AHCY: variants seen among roughly 807,000 people sequenced by gnomAD.
AHCY encodes the protein adenosylhomocysteinase.
In AHCY, 24 loss-of-function variants were observed where a neutral mutation model predicts 45.4. The observed-to-expected ratio is 0.53, with a 90% CI of 0.38 to 0.74. AHCY has a LOEUF of 0.74. Ranked by LOEUF, AHCY falls within the 30% of genes least tolerant of loss-of-function variation. AHCY has a pLI of 0.00. For missense variants in AHCY, 449 were observed against 594.1 expected, an observed-to-expected ratio of 0.76 and a Z score of 2.54; for synonymous variants, 245 against 235.1, an observed-to-expected ratio of 1.04 and a Z score of -0.39.
chr20:34,302,811 C>T, intron 1 of AHCY: 4 of 1,020,714 alleles, frequency 3.9e-6, no homozygotes, highest in South Asian at 4.1e-5. Context: ...CCGGGGTGCC[C>T]TCGCCGTCCC....
chr20:34,309,319 A>G (rs2036925628), intron 1 of AHCY, among the ~76,000 whole-genome samples: 1 of 152,134 alleles, frequency 6.6e-6, no homozygotes, highest in Non-Finnish European at 1.5e-5. Context: ...TCTGTTTTCC[A>G]TACATACACA....
At chr20:34,297,664 A>C (rs562831543) in intron 1 of AHCY, among the ~76,000 whole-genome samples, 33 of 152,184 alleles carry the variant, frequency 2.2e-4, no homozygotes, top group Non-Finnish European at 4.1e-4. Flanking sequence ...ACATTTTCCT[A>C]GTAAATTTAC....
At chr20:34,260,761 G>T in the AHCY span, among the ~76,000 whole-genome samples, 4 of 152,346 alleles carry the variant, frequency 2.6e-5, no homozygotes, top group East Asian at 7.7e-4. Flanking sequence ...GCTCTGAAAG[G>T]CCTGAAGTTA....
At chr20:34,272,844 A>G in the AHCY span, among the ~76,000 whole-genome samples, 1 of 152,134 alleles carries the variant, frequency 6.6e-6, no homozygotes, top group African/African-American at 2.4e-5. Context: ...TGATCACACC[A>G]CTGCATTCCA....
chr20:34,232,816 A>C, the AHCY span, among the ~76,000 whole-genome samples: 2 of 152,336 alleles, frequency 1.3e-5, no homozygotes, highest in East Asian at 1.9e-4. Context: ...TCTCTGTTTT[A>C]ATAGCACATG....
chr20:34,269,221 C>G, the AHCY span: 1 of 1,436,516 alleles, frequency 7.0e-7, no homozygotes. Flanking sequence ...CGGGGCGCTT[C>G]TCGGGCGGGT....
At chr20:34,271,342 A>G in the AHCY span, among the ~76,000 whole-genome samples, 1 of 152,144 alleles carries the variant, frequency 6.6e-6, no homozygotes, top group African/African-American at 2.4e-5. Flanking sequence ...ACTGAAACTC[A>G]CATTTGTGAC....
At chr20:34,246,669 G>A in the AHCY span, 50 of 489,220 alleles carry the variant, frequency 1.0e-4, no homozygotes, top group Non-Finnish European at 7.7e-6. Flanking sequence ...TGTTGCCCAG[G>A]CTGGTCTTGA....
At position 34,295,403 on chromosome 20, in the gene AHCY, C is replaced by T; in HGVS notation, c.211G>A (p.Gly71Ser). ...ACAGCTGTGGGCCTCACCTCAGCAC[C>T]CAGGGTGACGAGGGTCTCAATGAGG... ...AVLIETLVTL[G>S]AEVQWSSCNI... The change falls in exon 2 of 10, where the codon GGT becomes AGT. Residue 71 changes from glycine (G) to serine (S), a missense_variant. By Grantham distance (56) the Gly-to-Ser change is moderately conservative (BLOSUM62 0). Transcript: ENST00000217426. 1.9e-6 allele frequency: 3 copies of T among 1,614,064 alleles called. No homozygotes were observed. Among genetic ancestry groups the T allele is most frequent in the Non-Finnish European group, 2.5e-6 (3 of 1,179,942 alleles).
chr20:34,245,099 G>A, the AHCY span, among the ~76,000 whole-genome samples: 1 of 151,938 alleles, frequency 6.6e-6, no homozygotes, highest in Admixed American at 6.6e-5. Context: ...ACTTTGGGAG[G>A]CCAAGGTGGG....
the AHCY span, among the ~76,000 whole-genome samples, chr20:34,259,749 TAAA>T: frequency 7.0e-6 from 1 of 142,786 alleles, no homozygotes. Context: ...AGACTCCATC[TAAA>T]AAAAAAAAAA....
chr20:34,297,799 T>C (rs1237862473), intron 1 of AHCY, among the ~76,000 whole-genome samples: 1 of 152,104 alleles, frequency 6.6e-6, no homozygotes, highest in Admixed American at 6.6e-5. Context: ...ACTAGTCACC[T>C]ATAGCAGTCA....
chr20:34,232,131 A>G, the AHCY span, among the ~76,000 whole-genome samples: 1 of 152,230 alleles, frequency 6.6e-6, no homozygotes, highest in Non-Finnish European at 1.5e-5. Context: ...TGACAATAGC[A>G]CTGAGTTTGG....
At chr20:34,306,971 G>T (rs1393693895), upstream of AHCY, among the ~76,000 whole-genome samples, 1 of 152,132 alleles carries the variant, frequency 6.6e-6, no homozygotes, top group African/African-American at 2.4e-5. Context: ...GAAACTTTGT[G>T]GTGATGGAAT....
the AHCY span, among the ~76,000 whole-genome samples, chr20:34,269,969 A>AAAAAAAAAAAC: frequency 1.4e-5 from 2 of 143,606 alleles, no homozygotes; most frequent in Non-Finnish European, 1.5e-5. Flanking sequence ...AAAAAAAAAA[A>AAAAAAAAAAAC]AAAAAAAAAA....
intron 1 of AHCY, among the ~76,000 whole-genome samples, chr20:34,300,571 ACCT>A (rs879844517): frequency 0.1 from 15,496 of 152,222 alleles, 2,655 homozygotes; most frequent in African/African-American, 0.35. Flanking sequence ...CTAATACAGT[ACCT>A]GGCACACAGT....
At chr20:34,251,247 T>C in the AHCY span, among the ~76,000 whole-genome samples, 7 of 152,036 alleles carry the variant, frequency 4.6e-5, no homozygotes, top group East Asian at 1.9e-4. Flanking sequence ...ACATAATAAG[T>C]GACCCTTATA....
Position 34,299,107 on chromosome 20 carries a change from CTT to C in AHCY, c.29-3524_29-3523del, listed in dbSNP as rs771409357. 1.6e-3 allele frequency among the ~76,000 whole-genome samples: 250 copies of C among 152,260 alleles called. 1 individual carries two copies. Among genetic ancestry groups the C allele is most frequent in the Non-Finnish European group, 2.6e-3 (176 of 68,028 alleles). On this transcript the variant is annotated intron_variant, in intron 1 of 9. Transcript: ENST00000217426. ...TCCCCCGGGCCCAGCTGCCTTTTCTCTTGTCTCTTTGTCTTGTATCTTTATTT... is the reference window on the plus strand; with the variant it reads ...TCCCCCGGGCCCAGCTGCCTTTTCTCGTCTCTTTGTCTTGTATCTTTATTT...
chr20:34,269,323 A>C, the AHCY span: 1 of 949,198 alleles, frequency 1.1e-6, no homozygotes, highest in Non-Finnish European at 1.5e-6. Context: ...CTAAAATCGA[A>C]ATACAATATA....
Sources: allele counts gnomAD v4.1 joint callset (sites outside exome capture counted in the v4.1 genomes callset), GRCh38; gene constraint gnomAD v4.1.1; transcripts MANE v1.5; gene names NCBI Gene and HGNC (gene_info 2026-07-23, HGNC 2026-07-21).